The following ENTPD1 variants were observed in gnomAD, a reference collection of about 807,000 sequenced individuals.
ENTPD1 encodes ATP diphosphohydrolase.
ENTPD1 carries 33 observed loss-of-function variants against 57.0 expected under a neutral mutation model. That is an observed-to-expected ratio of 0.58 (90% CI 0.44 to 0.77). ENTPD1 has a LOEUF of 0.77. Ranked by LOEUF, ENTPD1 falls within the 30% of genes least tolerant of loss-of-function variation. ENTPD1 has a pLI of 0.00. For missense variants in ENTPD1, 501 were observed against 603.4 expected (o/e 0.83, Z 1.78); for synonymous variants, 202 against 218.8 (o/e 0.92, Z 0.68).
chr10:95,869,133 C>T lies in ENTPD1; in HGVS notation c.*2750C>T. 1.0e-6 allele frequency: 1 copy of T among 984,618 alleles called. No individual in the cohort carries two copies. The highest frequency in any genetic ancestry group is 1.2e-6 in the Non-Finnish European group (1 of 829,846). The allele number at this position is 984,618 out of a possible 1,614,324, so 61.0% of individuals were successfully genotyped here. ...TTCACCCAGGACTCAAAACTTGGTT[C>T]TGCTAACCCTGTTCCTTTATGAGGA... On this transcript the variant is annotated 3_prime_UTR_variant, in exon 10 of 10. Transcript: ENST00000371205.
At chr10:95,758,835 A>G (rs71482374) in intron 1 of ENTPD1, among the ~76,000 whole-genome samples, 13,150 of 152,244 alleles carry the variant, frequency 0.086, 693 homozygotes, top group Middle Eastern at 0.16. Flanking sequence ...GTACTGATTC[A>G]GGAAGAGCAC....
intron 1 of ENTPD1, among the ~76,000 whole-genome samples, chr10:95,800,926 C>T (rs957082665): frequency 2.0e-5 from 3 of 152,100 alleles, no homozygotes; most frequent in South Asian, 2.1e-4. Context: ...ACATCCTCAG[C>T]TTAAGAAGAT....
intron 1 of ENTPD1, among the ~76,000 whole-genome samples, chr10:95,739,771 A>AGG (rs1250972877): frequency 7.2e-5 from 11 of 152,182 alleles, no homozygotes; most frequent in African/African-American, 2.7e-4. Context: ...CCTTTCCAGA[A>AGG]AATTTTTGAT....
chr10:95,781,189 G>T (rs967528390), intron 1 of ENTPD1, among the ~76,000 whole-genome samples: 5 of 152,160 alleles, frequency 3.3e-5, no homozygotes, highest in Admixed American at 2.6e-4. Context: ...TCACTGATTT[G>T]TGGGAGCTAA....
chr10:95,738,987 A>C (rs1233931029), intron 1 of ENTPD1, among the ~76,000 whole-genome samples: 2 of 146,802 alleles, frequency 1.4e-5, no homozygotes, highest in Non-Finnish European at 3.0e-5. Flanking sequence ...TTGGTTTCCC[A>C]GGGCATATAA....
At chr10:95,836,886 A>G (rs1417382863) in intron 2 of ENTPD1, among the ~76,000 whole-genome samples, 1 of 152,200 alleles carries the variant, frequency 6.6e-6, no homozygotes, top group Non-Finnish European at 1.5e-5. Flanking sequence ...CTCAAATTGA[A>G]CTTTCAGTCA....
At chr10:95,697,473 A>G in the ENTPD1 span, among the ~76,000 whole-genome samples, 6 of 152,062 alleles carry the variant, frequency 3.9e-5, no homozygotes, top group Non-Finnish European at 8.8e-5. Flanking sequence ...CTTAATCCCC[A>G]ATGTGCAGTA....
rs571622251 is a variant in ENTPD1 at position 95,856,671 on chromosome 10, T to TATATATAC, written c.1075-3797_1075-3796insTATATACA. 2.8e-3 allele frequency among the ~76,000 whole-genome samples: 412 copies of TATATATAC among 146,780 alleles called. 2 individuals carry two copies. Among genetic ancestry groups the TATATATAC allele is most frequent in the South Asian group, 0.014 (66 of 4,712 alleles). ...GTATGCATATATATATATATATATATACACACACATAAATGTATATACACA... is the reference window on the plus strand; with the variant it reads ...GTATGCATATATATATATATATATATATATATACACACACACATAAATGTATATACACA... On this transcript the variant is annotated intron_variant, in intron 7 of 9. Transcript: ENST00000371205.
chr10:95,738,918 TC>T (rs1366991467), intron 1 of ENTPD1, among the ~76,000 whole-genome samples: 6 of 152,210 alleles, frequency 3.9e-5, no homozygotes, highest in Non-Finnish European at 7.3e-5. Context: ...CAGGTATACT[TC>T]AGAGATATTG....
chr10:95,833,719 G>GCCAAGAAGC (rs1252353064), intron 2 of ENTPD1: 1 of 153,134 alleles, frequency 6.5e-6, no homozygotes, highest in Non-Finnish European at 1.5e-5. Context: ...AGTTCTGGAG[G>GCCAAGAAGC]CCAAGAAGCC....
chr10:95,872,967 T>C lies in ENTPD1; in HGVS notation c.*6584T>C. ...TTGTACACATTATTAAAACAGAATT[T>C]TAAGGATTAGAATGAACCTTAAAAG... On this transcript the variant is annotated 3_prime_UTR_variant, in exon 10 of 10. Transcript: ENST00000371205. The C allele has an allele frequency of 1.0e-6, 1 of 985,446 alleles. No homozygotes were observed. Among genetic ancestry groups the C allele is most frequent in the Non-Finnish European group, 1.2e-6 (1 of 829,920 alleles). The allele number at this position is 985,446 out of a possible 1,614,324, so 61.0% of individuals were successfully genotyped here. A position where few individuals can be genotyped will look rare whatever the true frequency, so the allele number is the denominator to read the frequency against.
chr10:95,867,554 G>C lies in ENTPD1; in HGVS notation c.*1171G>C. The C allele has an allele frequency of 1.0e-6, 1 of 985,446 alleles. No homozygotes were observed. The highest frequency in any genetic ancestry group is 1.2e-6 in the Non-Finnish European group (1 of 829,934). 61.0% of individuals were successfully genotyped at this position (985,446 alleles called of 1,614,324 possible). On this transcript the variant is annotated 3_prime_UTR_variant, in exon 10 of 10. Transcript: ENST00000371205. ...GCCCTATCGTGGAATTTACACATCAGAATGTGCAGGATCCAAGTCTGAAAG... is the reference window on the plus strand; with the variant it reads ...GCCCTATCGTGGAATTTACACATCACAATGTGCAGGATCCAAGTCTGAAAG...
At chr10:95,706,404 C>A in the ENTPD1 span, among the ~76,000 whole-genome samples, 6 of 152,200 alleles carry the variant, frequency 3.9e-5, no homozygotes, top group Admixed American at 1.3e-4. Context: ...TCAGAGGAGA[C>A]CCTCAGTGGG....
chr10:95,825,326 A>G (rs1280013706), intron 2 of ENTPD1, among the ~76,000 whole-genome samples: 2 of 152,222 alleles, frequency 1.3e-5, no homozygotes, highest in African/African-American at 4.8e-5. Context: ...AGTTTAATGA[A>G]TAGGGTGTAT....
rs1328304387 is a variant in ENTPD1, at chr10:95,866,671, C to T, written c.*288C>T. On this transcript the variant is annotated 3_prime_UTR_variant, in exon 10 of 10. Coordinates refer to ENST00000371205, the MANE Select transcript of ENTPD1 (RefSeq NM_001776.6). ...TTAAAGACCTGACACCTTTCATAATCTTTGCTTTATAAAAGAACAATATTG... is the reference window on the plus strand; with the variant it reads ...TTAAAGACCTGACACCTTTCATAATTTTTGCTTTATAAAAGAACAATATTG... 8 of 1,251,032 alleles carry T rather than the reference C, an allele frequency of 6.4e-6. No individual in the cohort carries two copies. In the East Asian group the frequency reaches 3.5e-4, roughly 55 times the overall value. 77.5% of individuals were successfully genotyped at this position (1,251,032 alleles called of 1,614,324 possible).
chr10:95,741,216 A>T (rs2097999970), intron 1 of ENTPD1, among the ~76,000 whole-genome samples: 1 of 152,132 alleles, frequency 6.6e-6, no homozygotes, highest in Non-Finnish European at 1.5e-5. Flanking sequence ...CTTACAGGCC[A>T]TTGTAAGGTT....
At chr10:95,706,691 A>C in the ENTPD1 span, among the ~76,000 whole-genome samples, 1 of 152,100 alleles carries the variant, frequency 6.6e-6, no homozygotes, top group African/African-American at 2.4e-5. Context: ...CATCCTCTCT[A>C]GTCCTGTGGC....
chr10:95,869,374 C>A lies in ENTPD1; in HGVS notation c.*2991C>A. The stretch of plus-strand genomic sequence containing the variant: ...AAGCAATTCTCCTGCCTCAGCCTCC[C>A]GAGTAGCTGGGATTGCAGGTGCCCA... On this transcript the variant is annotated 3_prime_UTR_variant, in exon 10 of 10. Transcript: ENST00000371205. The A allele has an allele frequency of 1.4e-6, 1 of 727,770 alleles. No homozygotes were observed. Among genetic ancestry groups the A allele is most frequent in the Non-Finnish European group, 1.7e-6 (1 of 595,508 alleles). 45.1% of individuals were successfully genotyped at this position (727,770 alleles called of 1,614,324 possible).
At chr10:95,850,258 C>T (rs569740271) in intron 7 of ENTPD1, among the ~76,000 whole-genome samples, 1 of 152,330 alleles carries the variant, frequency 6.6e-6, no homozygotes, top group Admixed American at 6.5e-5. Flanking sequence ...TAGGATCTTT[C>T]TCCTCTAGAT....
Sources: allele counts gnomAD v4.1 joint callset (sites outside exome capture counted in the v4.1 genomes callset), GRCh38; gene constraint gnomAD v4.1.1; transcripts MANE v1.5; gene names NCBI Gene and HGNC (gene_info 2026-07-23, HGNC 2026-07-21).